The following BTBD3 variants were observed in gnomAD, a reference collection of about 807,000 sequenced individuals.
BTBD3 encodes BTB/POZ domain-containing protein 3.
BTBD3 carries 14 observed loss-of-function variants against 41.6 expected under a neutral mutation model. The observed-to-expected ratio is 0.34, with a 90% CI of 0.22 to 0.53. BTBD3 has a LOEUF of 0.53. BTBD3 is among the 20% of genes least tolerant of loss of function. The pLI is 0.95. For synonymous variants in BTBD3, 249 were observed against 233.7 expected (o/e 1.07, Z -0.60); for missense variants, 426 against 654.7 (o/e 0.65, Z 3.81).
In BTBD3 at chr20:11,923,625, G is replaced by C; in HGVS notation, c.1528G>C (p.Val510Leu). Residue 510 changes from valine to leucine, a missense_variant, in exon 4 of 4, where the codon GTA becomes CTA. Physicochemically the swap from Val to Leu is conservative, Grantham distance 32. Transcript: ENST00000378226. The surrounding 1 kb of genome is among the most constrained non-coding windows in gnomAD (Gnocchi z 5.3). ...CSSDSTNGTG[V>L]QGGQIPELIF... ...CTCAGATAGCACCAATGGCACTGGG[G>C]TACAGGGAGGGCAGATCCCTGAACT... The C allele has an allele frequency of 6.2e-7, 1 of 1,613,112 alleles. No individual in the cohort carries two copies. The highest frequency in any genetic ancestry group is 8.5e-7 in the Non-Finnish European group (1 of 1,179,504).
chr20:11,891,575 T>A (rs1304660747), intron 1 of BTBD3: 4 of 152,382 alleles, frequency 2.6e-5, no homozygotes, highest in Admixed American at 2.0e-4. Flanking sequence ...CTCCTGAGGC[T>A]GGACTAGTCC....
chr20:11,912,959 GCTTAT>G (rs1439057179), upstream of BTBD3, among the ~76,000 whole-genome samples: 1 of 152,164 alleles, frequency 6.6e-6, no homozygotes, highest in Non-Finnish European at 1.5e-5. Context: ...ACATTTTGTT[GCTTAT>G]CTTTTTACCT....
intron 1 of BTBD3, among the ~76,000 whole-genome samples, chr20:11,906,557 C>T (rs975556573): frequency 6.6e-6 from 1 of 152,052 alleles, no homozygotes; most frequent in African/African-American, 2.4e-5. Flanking sequence ...AGCCACCATA[C>T]CCGGCCTGTT....
At chr20:11,892,037 G>A (rs1168159761) in intron 1 of BTBD3, among the ~76,000 whole-genome samples, 6 of 152,148 alleles carry the variant, frequency 3.9e-5, no homozygotes, top group Admixed American at 3.9e-4. Context: ...ATATAAGAAA[G>A]TCAAGGCTTT....
rs142502423 is a variant in BTBD3, at chr20:11,918,527, C to G, written c.252C>G (p.His84Gln). The G allele has an allele frequency of 6.2e-7, 1 of 1,614,138 alleles. No individual in the cohort carries two copies. The highest frequency in any genetic ancestry group is 1.7e-5 in the Admixed American group (1 of 60,022). ...NSSSTSVQQY[H>Q]QQNLSNNNLI... Reference sequence around the variant, plus strand: ...GCAGCACCAGCGTCCAGCAGTACCACCAGCAGAATCTCAGTAACAACAACC... The same window carrying G: ...GCAGCACCAGCGTCCAGCAGTACCAGCAGCAGAATCTCAGTAACAACAACC... The change falls in exon 1 of 4, where the codon CAC becomes CAG. Residue 84 changes from histidine (H) to glutamine (Q), a missense_variant. Physicochemically the swap from His to Gln is conservative, Grantham distance 24. This residue lies in a region of BTBD3 where 52 missense variants were observed against 45.1 expected (regional missense o/e 1.15). Transcript: ENST00000378226.
Position 11,918,256 on chromosome 20 carries a change from A to C in BTBD3, c.-20A>C. On this transcript the variant is annotated 5_prime_UTR_variant, in exon 1 of 4. Transcript: ENST00000378226. ...AACCAATTTGGGATATCTAACTCTA[A>C]AGAGAGACACACTGTACTCATGGTA... 5.2e-6 allele frequency: 8 copies of C among 1,534,570 alleles called. No homozygotes were observed. The highest frequency in any genetic ancestry group is 7.0e-6 in the Non-Finnish European group (8 of 1,149,310).
At chr20:11,891,320 C>G (rs1253769587) in intron 1 of BTBD3, 4 of 151,724 alleles carry the variant, frequency 2.6e-5, no homozygotes, top group Admixed American at 2.0e-4. Context: ...GCGGGGTGCG[C>G]GACCCCGGAG....
At chr20:11,890,855 G>A (rs907266179) in exon 1 of BTBD3, 9 of 985,076 alleles carry the variant, frequency 9.1e-6, no homozygotes, top group Non-Finnish European at 1.1e-5. Flanking sequence ...CGAGCCCGCC[G>A]GGCGCTGGAT....
chr20:11,898,486 G>T (rs1600227834), intron 1 of BTBD3, among the ~76,000 whole-genome samples: 1 of 152,114 alleles, frequency 6.6e-6, no homozygotes, highest in Non-Finnish European at 1.5e-5. Context: ...TTTTTCCGTT[G>T]CATCTGTTAC....
At chr20:11,898,200 G>C (rs1395103341) in intron 1 of BTBD3, among the ~76,000 whole-genome samples, 1 of 151,972 alleles carries the variant, frequency 6.6e-6, no homozygotes, top group African/African-American at 2.4e-5. Flanking sequence ...AGCCCTACAT[G>C]ATCTGATTCT....
intron 1 of BTBD3, among the ~76,000 whole-genome samples, chr20:11,892,145 C>A (rs1278040824): frequency 1.3e-5 from 2 of 152,150 alleles, no homozygotes; most frequent in Admixed American, 6.5e-5. Context: ...TTGTTTCCCA[C>A]CAGGGAGGGA....
At chr20:11,903,530 G>C (rs1202492238) in intron 1 of BTBD3, among the ~76,000 whole-genome samples, 1 of 152,104 alleles carries the variant, frequency 6.6e-6, no homozygotes, top group Non-Finnish European at 1.5e-5. Flanking sequence ...TAAATTCTGT[G>C]AATTTTCTGA....
At position 11,923,025 on chromosome 20, in the gene BTBD3, C is replaced by T. The variant is rs200448067; in HGVS notation, c.928C>T (p.Arg310Cys). The T allele has an allele frequency of 3.7e-6, 6 of 1,614,112 alleles. No homozygotes were observed. The highest frequency in any genetic ancestry group is 1.7e-5 in the Admixed American group (1 of 60,026). ...TCTGGCGTTGAGCATTGAAAATAAA[C>T]GCAAGGTTCTAGGAAAGGCACTTTA... ...QDLALSIENK[R>C]KVLGKALYLI... Residue 310 changes from arginine (R) to cysteine (C), a missense_variant, in exon 4 of 4, where the codon CGC becomes TGC. Physicochemically the swap from Arg to Cys is radical, Grantham distance 180 (BLOSUM62 -3). This residue lies in a region of BTBD3 where 321 missense variants were observed against 534.8 expected (regional missense o/e 0.60). Transcript: ENST00000378226. The surrounding 1 kb of genome is among the most constrained non-coding windows in gnomAD (Gnocchi z 5.3).
Position 11,918,504 on chromosome 20 carries a change from A to G in BTBD3, c.229A>G (p.Ser77Gly). The change falls in exon 1 of 4, where the codon AGC (serine) becomes GGC (glycine). Residue 77 changes from serine to glycine, a missense_variant. This residue lies in a region of BTBD3 where 52 missense variants were observed against 45.1 expected (regional missense o/e 1.15). Coordinates refer to ENST00000378226, the MANE Select transcript of BTBD3 (RefSeq NM_014962.4). The part of the protein sequence containing the change: ...FPRKKPANSS[S>G]TSVQQYHQQN... Reference sequence around the variant, plus strand: ...CCGTAAAAAGCCAGCCAACTCCAGCAGCACCAGCGTCCAGCAGTACCACCA... The same window carrying G: ...CCGTAAAAAGCCAGCCAACTCCAGCGGCACCAGCGTCCAGCAGTACCACCA... The G allele has an allele frequency of 6.2e-7, 1 of 1,614,202 alleles. No individual in the cohort carries two copies. The highest frequency in any genetic ancestry group is 8.5e-7 in the Non-Finnish European group (1 of 1,180,020).
At chr20:11,896,431 T>C (rs1469128974) in intron 1 of BTBD3, among the ~76,000 whole-genome samples, 1 of 152,244 alleles carries the variant, frequency 6.6e-6, no homozygotes, top group Non-Finnish European at 1.5e-5. Flanking sequence ...TTTATCTACT[T>C]TTAAATAGTT....
chr20:11,899,364 A>G (rs1381982820), intron 1 of BTBD3, among the ~76,000 whole-genome samples: 7 of 152,036 alleles, frequency 4.6e-5, no homozygotes, highest in Non-Finnish European at 8.8e-5. Flanking sequence ...ATTTTATTTT[A>G]TTGTTTTTAA....
chr20:11,903,214 A>G (rs752673828), intron 1 of BTBD3, among the ~76,000 whole-genome samples: 3 of 152,222 alleles, frequency 2.0e-5, no homozygotes, highest in African/African-American at 4.8e-5. Flanking sequence ...TAGATACAAT[A>G]TTAAAATGGC....
At position 11,923,943 on chromosome 20, in the gene BTBD3, A is replaced by G. The variant is rs917327388; in HGVS notation, c.*277A>G. 12 of 325,796 alleles carry G rather than the reference A, an allele frequency of 3.7e-5. No homozygotes were observed. Among genetic ancestry groups the G allele is most frequent in the South Asian group, 8.5e-5 (1 of 11,818 alleles). The allele number at this position is 325,796 out of a possible 1,614,324, so 20.2% of individuals were successfully genotyped here. A position where few individuals can be genotyped will look rare whatever the true frequency, so the allele number is the denominator to read the frequency against. ...CCTGGGGAGATTATGTGCTTTCCCA[A>G]GCGTTCCACCACCCTCTCAGTTTTG... On this transcript the variant is annotated 3_prime_UTR_variant, in exon 4 of 4. Coordinates refer to ENST00000378226, the MANE Select transcript of BTBD3 (RefSeq NM_014962.4). This position sits in a 1 kb window ranked among gnomAD's most constrained non-coding sequence, Gnocchi z 5.3.
rs2122348521 is a variant in BTBD3, at chr20:11,924,252, T to G, written c.*586T>G. ...CATAAGATAGTTAGGTATTAAACAC[T>G]TCAGAATATCAATGTAAAATTGGAA... On this transcript the variant is annotated 3_prime_UTR_variant, in exon 4 of 4. Transcript: ENST00000378226. The G allele has an allele frequency of 6.6e-6, 1 of 152,352 alleles. No homozygotes were observed. The highest frequency in any genetic ancestry group is 6.5e-5 in the Admixed American group (1 of 15,292). The allele number at this position is 152,352 out of a possible 1,614,324, so 9.4% of individuals were successfully genotyped here.
Sources: gnomAD v4.1 joint callset for allele counts (sites outside exome capture counted in the v4.1 genomes callset) on GRCh38, gnomAD v4.1.1 for gene constraint, gnomAD v4.1.1 regional missense constraint, Gnocchi (gnomAD v3.1) non-coding constraint, MANE v1.5 for transcripts, NCBI Gene and HGNC (gene_info 2026-07-23, HGNC 2026-07-21) for gene names.